The following ARHGAP24 variants were observed in gnomAD, a reference collection of about 807,000 sequenced individuals.
The protein encoded by ARHGAP24 is rho GTPase-activating protein 24.
In ARHGAP24, 50 loss-of-function variants were observed where a neutral mutation model predicts 76.4. That is an observed-to-expected ratio of 0.65 (90% CI 0.52 to 0.83). ARHGAP24 has a LOEUF of 0.83. ARHGAP24 is among the 40% of genes least tolerant of loss of function. The probability of loss-of-function intolerance (pLI) is 0.00; values close to 1 mark genes in which losing one functional copy is unlikely to be tolerated. For missense variants in ARHGAP24, 930 were observed against 914.2 expected, an observed-to-expected ratio of 1.02 and a Z score of -0.22; for synonymous variants, 345 against 323.3, an observed-to-expected ratio of 1.07 and a Z score of -0.72.
chr4:85,581,631 T>C (rs1222709704), intron 2 of ARHGAP24, among the ~76,000 whole-genome samples: 1 of 152,140 alleles, frequency 6.6e-6, no homozygotes, highest in African/African-American at 2.4e-5. Flanking sequence ...TTTTTAACAT[T>C]CATAATCTTC....
At chr4:85,596,076 T>A (rs1295921738) in intron 2 of ARHGAP24, among the ~76,000 whole-genome samples, 2 of 151,732 alleles carry the variant, frequency 1.3e-5, no homozygotes, top group Admixed American at 1.3e-4. Flanking sequence ...CACATGAAAA[T>A]GATTTTTCTT....
chr4:85,894,974 AAAAAAAAAAAAAAACAAAACAAAAAGC>A (rs1734068343), intron 3 of ARHGAP24, among the ~76,000 whole-genome samples: 5 of 39,194 alleles, frequency 1.3e-4, no homozygotes, highest in Non-Finnish European at 2.5e-4. Context: ...AAAAAAAAAA[AAAAAAAAAAAAAAACAAAACAAAAAGC>A]AAAAAAAAAA....
At chr4:85,831,365 A>G (rs777775884) in intron 3 of ARHGAP24, among the ~76,000 whole-genome samples, 1 of 152,238 alleles carries the variant, frequency 6.6e-6, no homozygotes, top group Non-Finnish European at 1.5e-5. Context: ...ATTTATAGGC[A>G]TATTTGACCT....
chr4:85,840,763 G>A (rs1437900577), intron 3 of ARHGAP24, among the ~76,000 whole-genome samples: 2 of 152,150 alleles, frequency 1.3e-5, no homozygotes, highest in East Asian at 3.9e-4. Context: ...CAGCTTGTTG[G>A]TAATCAACCT....
At chr4:85,986,650 A>T (rs1740018608) in intron 8 of ARHGAP24, among the ~76,000 whole-genome samples, 1 of 152,192 alleles carries the variant, frequency 6.6e-6, no homozygotes, top group South Asian at 2.1e-4. Context: ...AGAGAGAACT[A>T]GACATAGAGC....
At chr4:85,862,012 G>A (rs1288914184) in intron 3 of ARHGAP24, among the ~76,000 whole-genome samples, 2 of 151,886 alleles carry the variant, frequency 1.3e-5, no homozygotes, top group Non-Finnish European at 2.9e-5. Flanking sequence ...TCTTTAAGTT[G>A]CAGCCAAGTT....
intron 5 of ARHGAP24, among the ~76,000 whole-genome samples, chr4:85,946,651 G>A (rs931083297): frequency 1.3e-5 from 2 of 152,144 alleles, no homozygotes; most frequent in Non-Finnish European, 2.9e-5. Context: ...TTGCAGCAGA[G>A]GACATTATTT....
At chr4:85,887,858 T>G (rs1039237016) in intron 3 of ARHGAP24, among the ~76,000 whole-genome samples, 1 of 152,208 alleles carries the variant, frequency 6.6e-6, no homozygotes, top group African/African-American at 2.4e-5. Flanking sequence ...TTGTTTACCT[T>G]TTTTCCCTGA....
intron 3 of ARHGAP24, among the ~76,000 whole-genome samples, chr4:85,726,987 T>C (rs1326041007): frequency 6.6e-6 from 1 of 151,760 alleles, no homozygotes; most frequent in Non-Finnish European, 1.5e-5. Flanking sequence ...GGATCCAAGG[T>C]GGGGGGATCC....
chr4:85,629,792 A>G (rs2110011713), intron 2 of ARHGAP24, among the ~76,000 whole-genome samples: 1 of 152,274 alleles, frequency 6.6e-6, no homozygotes, highest in South Asian at 2.1e-4. Context: ...GACTTTTGAG[A>G]ATTTGATTAT....
intron 2 of ARHGAP24, among the ~76,000 whole-genome samples, chr4:85,583,764 A>G (rs1727715543): frequency 1.3e-5 from 2 of 150,812 alleles, no homozygotes; most frequent in African/African-American, 2.4e-5. Context: ...AAAAAACCCC[A>G]TCAAAAAGTG....
At chr4:85,620,389 T>C (rs966069169) in intron 2 of ARHGAP24, among the ~76,000 whole-genome samples, 2 of 152,082 alleles carry the variant, frequency 1.3e-5, no homozygotes, top group African/African-American at 4.8e-5. Flanking sequence ...ATAGGTTGTA[T>C]GTTCCCGGCA....
intron 3 of ARHGAP24, among the ~76,000 whole-genome samples, chr4:85,767,893 C>A (rs1026089249): frequency 3.9e-5 from 6 of 152,062 alleles, no homozygotes; most frequent in Non-Finnish European, 8.8e-5. Flanking sequence ...TGCTACAATG[C>A]GTACACTATT....
At chr4:85,930,835 A>G in intron 4 of ARHGAP24, 1 of 1,587,604 alleles carries the variant, frequency 6.3e-7, no homozygotes, top group Non-Finnish European at 8.6e-7. Context: ...CTTCAAAAAT[A>G]ACAAGTAAAC....
At chr4:85,922,120 A>C (rs1218880698) in intron 3 of ARHGAP24, among the ~76,000 whole-genome samples, 1 of 152,174 alleles carries the variant, frequency 6.6e-6, no homozygotes, top group Non-Finnish European at 1.5e-5. Flanking sequence ...AACCTATTTG[A>C]TATAGTTTTT....
At chr4:85,576,195 C>A (rs536850867) in intron 2 of ARHGAP24, among the ~76,000 whole-genome samples, 1 of 83,998 alleles carries the variant, frequency 1.2e-5, no homozygotes, top group South Asian at 5.5e-4. Context: ...TTTGGGAGGC[C>A]GAGGCGGGTG....
chr4:85,867,414 T>A (rs2110185623), intron 3 of ARHGAP24, among the ~76,000 whole-genome samples: 1 of 152,292 alleles, frequency 6.6e-6, no homozygotes, highest in Admixed American at 6.5e-5. Flanking sequence ...ATAAGCCAAA[T>A]AACTAATGTT....
intron 1 of ARHGAP24, among the ~76,000 whole-genome samples, chr4:85,476,776 G>C (rs1380909384): frequency 6.6e-6 from 1 of 152,154 alleles, no homozygotes; most frequent in Non-Finnish European, 1.5e-5. Flanking sequence ...CACACAGAAT[G>C]TATGTATTAG....
chr4:85,629,101 G>T (rs1578092341), intron 2 of ARHGAP24, among the ~76,000 whole-genome samples: 2 of 152,052 alleles, frequency 1.3e-5, no homozygotes, highest in Non-Finnish European at 2.9e-5. Flanking sequence ...TTTTGATTCT[G>T]TTGTCTTTAT....
Sources: gnomAD v4.1 joint callset for allele counts (sites outside exome capture counted in the v4.1 genomes callset) on GRCh38, gnomAD v4.1.1 for gene constraint, MANE v1.5 for transcripts, NCBI Gene and HGNC (gene_info 2026-07-23, HGNC 2026-07-21) for gene names.